RSU1: variants seen among roughly 807,000 people sequenced by gnomAD.
The protein encoded by RSU1 is rsu-1.
RSU1 carries 26 observed loss-of-function variants against 31.1 expected under a neutral mutation model. The observed-to-expected ratio is 0.84, with a 90% CI of 0.61 to 1.16. The LOEUF (loss-of-function observed/expected upper bound fraction) is 1.16. RSU1 is among the 50% of genes most tolerant of loss of function. RSU1 has a pLI of 0.00. For missense variants in RSU1, 320 were observed against 339.1 expected, an observed-to-expected ratio of 0.94 and a Z score of 0.44; for synonymous variants, 164 against 136.3, an observed-to-expected ratio of 1.20 and a Z score of -1.41.
intron 7 of RSU1, among the ~76,000 whole-genome samples, chr10:16,707,786 C>G (rs181384748): frequency 2.1e-3 from 321 of 152,214 alleles, no homozygotes; most frequent in Admixed American, 4.2e-3. Context: ...TTAAAAAACC[C>G]TTCTCCAGGT....
intron 8 of RSU1, among the ~76,000 whole-genome samples, chr10:16,628,492 TGA>T (rs60570064): frequency 0.2 from 30,336 of 152,140 alleles, 3,362 homozygotes; most frequent in African/African-American, 0.3. Context: ...TAACTTTCTG[TGA>T]AAGTGAGGTG....
intron 8 of RSU1, among the ~76,000 whole-genome samples, chr10:16,614,462 C>A (rs1833942785): frequency 6.6e-6 from 1 of 151,624 alleles, no homozygotes; most frequent in Admixed American, 6.6e-5. Flanking sequence ...AGTCCCCCCA[C>A]CACAAGAGAA....
chr10:16,749,700 A>C (rs1315114744), intron 7 of RSU1, among the ~76,000 whole-genome samples: 1 of 152,182 alleles, frequency 6.6e-6, no homozygotes, highest in African/African-American at 2.4e-5. Context: ...ACTGGCTTGG[A>C]AAGGGCCAGC....
intron 8 of RSU1, among the ~76,000 whole-genome samples, chr10:16,685,998 T>G (rs976886966): frequency 2.6e-5 from 4 of 152,224 alleles, no homozygotes; most frequent in Admixed American, 1.3e-4. Flanking sequence ...GATAAATGCC[T>G]GTGAACATAA....
chr10:16,621,486 G>A (rs978769114), intron 8 of RSU1, among the ~76,000 whole-genome samples: 1 of 152,168 alleles, frequency 6.6e-6, no homozygotes, highest in Non-Finnish European at 1.5e-5. Flanking sequence ...GATGCAAGTT[G>A]TCAATTTTAA....
intron 2 of RSU1, among the ~76,000 whole-genome samples, chr10:16,792,591 T>G (rs1235512213): frequency 6.6e-6 from 1 of 152,116 alleles, no homozygotes; most frequent in African/African-American, 2.4e-5. Context: ...CACCATACCT[T>G]CTAGAATATT....
intron 3 of RSU1, among the ~76,000 whole-genome samples, chr10:16,770,789 C>G (rs907071290): frequency 6.6e-6 from 1 of 152,180 alleles, no homozygotes; most frequent in African/African-American, 2.4e-5. Context: ...GCGGCATGTC[C>G]GCCCTTGTGC....
chr10:16,757,972 G>A (rs1425277388), intron 4 of RSU1, among the ~76,000 whole-genome samples: 3 of 152,210 alleles, frequency 2.0e-5, no homozygotes, highest in African/African-American at 7.2e-5. Flanking sequence ...CTGAGAGAGA[G>A]CTCCCACTCA....
At chr10:16,678,240 A>G (rs1267409077) in intron 8 of RSU1, among the ~76,000 whole-genome samples, 2 of 152,214 alleles carry the variant, frequency 1.3e-5, no homozygotes, top group Admixed American at 6.5e-5. Context: ...GGTCTTCATG[A>G]ATGACCATCT....
At chr10:16,799,404 T>G (rs576908705) in intron 2 of RSU1, among the ~76,000 whole-genome samples, 1 of 152,102 alleles carries the variant, frequency 6.6e-6, no homozygotes, top group African/African-American at 2.4e-5. Context: ...CACAGCATAG[T>G]AGGAGCAGAA....
At chr10:16,684,690 C>A (rs906899552) in intron 8 of RSU1, among the ~76,000 whole-genome samples, 2 of 152,134 alleles carry the variant, frequency 1.3e-5, no homozygotes, top group Non-Finnish European at 2.9e-5. Flanking sequence ...GAACATGAGA[C>A]AATGAATTTC....
chr10:16,698,761 C>T (rs988889753), intron 7 of RSU1, among the ~76,000 whole-genome samples: 17 of 152,176 alleles, frequency 1.1e-4, no homozygotes, highest in Non-Finnish European at 2.2e-4. Flanking sequence ...AGGAGTCACA[C>T]GCTGATGTCT....
chr10:16,608,206 G>C (rs372184044), intron 8 of RSU1, among the ~76,000 whole-genome samples: 4 of 152,332 alleles, frequency 2.6e-5, no homozygotes, highest in East Asian at 1.9e-4. Flanking sequence ...GAAGGTGAAT[G>C]ACGTTCCACT....
chr10:16,749,603 C>T (rs748781615), intron 7 of RSU1, among the ~76,000 whole-genome samples: 5 of 152,136 alleles, frequency 3.3e-5, no homozygotes, highest in Admixed American at 3.3e-4. Context: ...CAGATGGTCA[C>T]CTCAGGCGTT....
chr10:16,604,435 G>A lies in RSU1; in HGVS notation c.732-10939C>T, dbSNP rs7076133. Among the ~76,000 whole-genome samples, 562 of 152,234 alleles carry A rather than the reference G, an allele frequency of 3.7e-3. 1 individual carries two copies. The highest frequency in any genetic ancestry group is 0.013 in the African/African-American group (543 of 41,536). On this transcript the variant is annotated intron_variant, in intron 8 of 8. Transcript: ENST00000345264. ...GTTCTGTGGATGCCCTGGCGGGACT[G>A]TGTGCCTAGGAGGAATCACAGAAAA...
At chr10:16,666,312 A>G (rs1260099886) in intron 8 of RSU1, among the ~76,000 whole-genome samples, 1 of 152,236 alleles carries the variant, frequency 6.6e-6, no homozygotes, top group East Asian at 1.9e-4. Flanking sequence ...AAGCCACAGA[A>G]TGCGTGTAGA....
intron 3 of RSU1, among the ~76,000 whole-genome samples, chr10:16,768,603 T>C (rs45518638): frequency 4.3e-4 from 65 of 152,168 alleles, no homozygotes; most frequent in Admixed American, 9.2e-4. Context: ...TTTGGAAAGG[T>C]GACAAGGATG....
chr10:16,591,781 G>GTCTT lies in RSU1; in HGVS notation c.*1609_*1612dup. On this transcript the variant is annotated 3_prime_UTR_variant, in exon 9 of 9. Transcript: ENST00000345264. Reference sequence around the variant, plus strand: ...TCTTGCTGGTTTAATTTTAGGTTAAGTCTTTCCTATCCACAACAGCAAAGG... The same window carrying GTCTT: ...TCTTGCTGGTTTAATTTTAGGTTAAGTCTTTCTTTCCTATCCACAACAGCAAAGG... 6.6e-6 allele frequency: 1 copy of GTCTT among 152,202 alleles called. No individual in the cohort carries two copies. Among genetic ancestry groups the GTCTT allele is most frequent in the South Asian group, 2.1e-4 (1 of 4,808 alleles). The allele number at this position is 152,202 out of a possible 1,614,324, so 9.4% of individuals were successfully genotyped here.
chr10:16,694,046 G>C (rs752195670), intron 8 of RSU1, among the ~76,000 whole-genome samples: 3 of 152,060 alleles, frequency 2.0e-5, no homozygotes, highest in Admixed American at 1.3e-4. Context: ...GCTGGGGGCT[G>C]GGATAAGGTA....
Sources: allele counts gnomAD v4.1 joint callset (sites outside exome capture counted in the v4.1 genomes callset), GRCh38; gene constraint gnomAD v4.1.1; transcripts MANE v1.5; gene names NCBI Gene and HGNC (gene_info 2026-07-23, HGNC 2026-07-21).